BTBD10: variants seen among roughly 807,000 people sequenced by gnomAD.
The protein encoded by BTBD10 is BTB domain containing 10.
In BTBD10, 21 loss-of-function variants were observed where a neutral mutation model predicts 53.2. The ratio of observed to expected loss-of-function variants is 0.39; its 90% CI spans 0.28 to 0.57. The LOEUF is 0.57. BTBD10 is among the 20% of genes least tolerant of loss of function. The pLI is 0.53. For missense variants in BTBD10, 360 were observed against 594.7 expected (o/e 0.61, Z 4.10); for synonymous variants, 149 against 192.7 (o/e 0.77, Z 1.88).
chr11:13,412,220 G>A (rs1429040333), intron 6 of BTBD10, among the ~76,000 whole-genome samples: 1 of 152,106 alleles, frequency 6.6e-6, no homozygotes, highest in Non-Finnish European at 1.5e-5. Context: ...TTGGGAGACC[G>A]ACGCAGGTGC....
chr11:13,435,645 A>C (rs1405240332), intron 2 of BTBD10, among the ~76,000 whole-genome samples: 1 of 152,136 alleles, frequency 6.6e-6, no homozygotes, highest in Non-Finnish European at 1.5e-5. Context: ...GGTGCCTGCC[A>C]CCACACCTGG....
At chr11:13,459,059 T>TTTATTTA (rs1491187230) in intron 1 of BTBD10, among the ~76,000 whole-genome samples, 6 of 79,274 alleles carry the variant, frequency 7.6e-5, no homozygotes, top group African/African-American at 4.0e-4. Flanking sequence ...TATTTATTTA[T>TTTATTTA]TTTTTTTTTT....
chr11:13,394,465 C>T (rs1408264762), intron 8 of BTBD10, among the ~76,000 whole-genome samples: 1 of 152,200 alleles, frequency 6.6e-6, no homozygotes, highest in Non-Finnish European at 1.5e-5. Context: ...AGTCATGCTT[C>T]CTGTTAAGCC....
At chr11:13,393,895 C>G (rs1438059978) in intron 8 of BTBD10, among the ~76,000 whole-genome samples, 1 of 152,140 alleles carries the variant, frequency 6.6e-6, no homozygotes, top group East Asian at 1.9e-4. Context: ...AGTATTTAAC[C>G]TTTTAAGCTT....
At chr11:13,411,783 A>G (rs1214501390) in intron 6 of BTBD10, among the ~76,000 whole-genome samples, 1 of 152,130 alleles carries the variant, frequency 6.6e-6, no homozygotes, top group Middle Eastern at 3.2e-3. Flanking sequence ...GTATGAATAG[A>G]CACAAAACTT....
chr11:13,411,586 A>G (rs922611691), intron 6 of BTBD10, among the ~76,000 whole-genome samples: 1 of 152,230 alleles, frequency 6.6e-6, no homozygotes, highest in Non-Finnish European at 1.5e-5. Context: ...CATATTTTAC[A>G]TAAAACCCTT....
At chr11:13,399,179 T>A (rs1202739954) in intron 8 of BTBD10, among the ~76,000 whole-genome samples, 1 of 152,226 alleles carries the variant, frequency 6.6e-6, no homozygotes, top group African/African-American at 2.4e-5. Flanking sequence ...CACTTTCAGG[T>A]ACACCAATGA....
intron 7 of BTBD10, among the ~76,000 whole-genome samples, chr11:13,405,157 C>G (rs968144396): frequency 6.6e-6 from 1 of 151,962 alleles, no homozygotes; most frequent in African/African-American, 2.4e-5. Flanking sequence ...TTCTACAAAG[C>G]CTTATGAAGG....
chr11:13,433,911 C>A (rs1950500131), intron 2 of BTBD10, among the ~76,000 whole-genome samples: 1 of 152,040 alleles, frequency 6.6e-6, no homozygotes, highest in South Asian at 2.1e-4. Context: ...GGTCAATTAG[C>A]CTTCTATAAA....
intron 6 of BTBD10, among the ~76,000 whole-genome samples, chr11:13,407,293 A>G (rs191069487): frequency 6.6e-6 from 1 of 152,188 alleles, no homozygotes; most frequent in African/African-American, 2.4e-5. Context: ...TCCCAAATTT[A>G]TTTCTACTAA....
intron 8 of BTBD10, among the ~76,000 whole-genome samples, chr11:13,398,802 A>G (rs1949630705): frequency 1.3e-5 from 2 of 152,076 alleles, no homozygotes; most frequent in African/African-American, 4.8e-5. Flanking sequence ...TCACTTATGA[A>G]GCTTAGTTTG....
At chr11:13,403,355 A>C (rs916040633) in intron 7 of BTBD10, 77 bp from the exon 8 acceptor site, 1 of 801,298 alleles carries the variant, frequency 1.2e-6, no homozygotes, top group Non-Finnish European at 1.9e-6. Flanking sequence ...CTTGCTCATC[A>C]AAGGGGCCTA....
intron 8 of BTBD10, among the ~76,000 whole-genome samples, chr11:13,393,699 A>G (rs915718823): frequency 1.3e-5 from 2 of 152,198 alleles, no homozygotes; most frequent in African/African-American, 4.8e-5. Context: ...GTCAAGCCCA[A>G]TATCATAGAT....
At chr11:13,433,604 C>T (rs906048757) in intron 2 of BTBD10, among the ~76,000 whole-genome samples, 1 of 152,138 alleles carries the variant, frequency 6.6e-6, no homozygotes, top group Non-Finnish European at 1.5e-5. Context: ...CAGGATTTGG[C>T]AAACTATGGC....
chr11:13,458,551 C>T (rs1277264433), intron 1 of BTBD10, among the ~76,000 whole-genome samples: 1 of 152,170 alleles, frequency 6.6e-6, no homozygotes, highest in Admixed American at 6.5e-5. Context: ...TGTCTTACTG[C>T]CTGCCAATAT....
intron 2 of BTBD10, among the ~76,000 whole-genome samples, chr11:13,431,207 C>T (rs1349063040): frequency 6.6e-6 from 1 of 152,096 alleles, no homozygotes; most frequent in East Asian, 1.9e-4. Flanking sequence ...TACCAATCTA[C>T]ATAGATTTTT....
At chr11:13,397,916 A>G (rs1949599258) in intron 8 of BTBD10, among the ~76,000 whole-genome samples, 2 of 152,194 alleles carry the variant, frequency 1.3e-5, no homozygotes, top group African/African-American at 2.4e-5. Flanking sequence ...ACAGTTTGTT[A>G]TAATTTCTGT....
intron 1 of BTBD10, among the ~76,000 whole-genome samples, chr11:13,456,343 A>G (rs567439931): frequency 6.6e-6 from 1 of 152,336 alleles, no homozygotes; most frequent in East Asian, 1.9e-4. Context: ...AAAGACAGAC[A>G]CTAATAAATG....
chr11:13,419,248 T>G (rs897070519), intron 4 of BTBD10, among the ~76,000 whole-genome samples: 1 of 152,134 alleles, frequency 6.6e-6, no homozygotes, highest in South Asian at 2.1e-4. Flanking sequence ...CAAAGAACAC[T>G]AGAAATAAAA....
Sources: allele counts gnomAD v4.1 joint callset (sites outside exome capture counted in the v4.1 genomes callset), GRCh38; gene constraint gnomAD v4.1.1; transcripts MANE v1.5; gene names NCBI Gene and HGNC (gene_info 2026-07-23, HGNC 2026-07-21).